The following MEF2A variants were observed in gnomAD, a reference collection of about 807,000 sequenced individuals.
MEF2A encodes myocyte-specific enhancer factor 2A.
Under a neutral mutation model 55.8 loss-of-function variants are expected in MEF2A, and 28 were observed. The observed-to-expected ratio is 0.50, with a 90% CI of 0.37 to 0.69. The LOEUF is 0.69. Among genes scored for constraint, MEF2A ranks in the 30% least tolerant of loss-of-function variants. The probability of loss-of-function intolerance (pLI) is 0.00; values close to 1 mark genes in which losing one functional copy is unlikely to be tolerated. For missense variants in MEF2A, 528 were observed against 626.2 expected (o/e 0.84, Z 1.67); for synonymous variants, 239 against 227.1 (o/e 1.05, Z -0.47).
intron 4 of MEF2A, among the ~76,000 whole-genome samples, chr15:99,646,375 C>T (rs1223468223): frequency 2.6e-5 from 4 of 152,074 alleles, no homozygotes; most frequent in Admixed American, 2.6e-4. Context: ...CAGTATGCTT[C>T]CCCCTTTTTA....
intron 2 of MEF2A, among the ~76,000 whole-genome samples, chr15:99,601,401 GT>G (rs1972900413): frequency 6.6e-6 from 1 of 151,248 alleles, no homozygotes; most frequent in African/African-American, 2.4e-5. Flanking sequence ...TATTAGACTG[GT>G]TAGTAGTCCC....
chr15:99,620,543 G>A (rs1430454666), intron 2 of MEF2A, among the ~76,000 whole-genome samples: 2 of 152,150 alleles, frequency 1.3e-5, no homozygotes, highest in African/African-American at 4.8e-5. Context: ...ACTGTGTAGT[G>A]TTCCATGGTG....
intron 3 of MEF2A, among the ~76,000 whole-genome samples, chr15:99,634,199 T>C (rs2043383573): frequency 6.6e-6 from 1 of 152,144 alleles, no homozygotes; most frequent in Non-Finnish European, 1.5e-5. Context: ...ATAGATATAA[T>C]TGGAGATAAA....
chr15:99,661,349 T>C (rs2048596232), intron 4 of MEF2A, among the ~76,000 whole-genome samples: 1 of 150,476 alleles, frequency 6.6e-6, no homozygotes, highest in African/African-American at 2.4e-5. Context: ...ATCATATGGA[T>C]AACTGGAAAG....
intron 7 of MEF2A, among the ~76,000 whole-genome samples, chr15:99,682,309 G>A (rs1000663304): frequency 2.6e-5 from 4 of 152,112 alleles, no homozygotes; most frequent in Admixed American, 6.5e-5. Flanking sequence ...ATGGGTATGC[G>A]GTTTGCTCAA....
intron 2 of MEF2A, among the ~76,000 whole-genome samples, chr15:99,600,641 G>A (rs1972660071): frequency 6.6e-6 from 1 of 152,092 alleles, no homozygotes; most frequent in Admixed American, 6.5e-5. Flanking sequence ...TATTGTTCCA[G>A]CAGTTTTTTT....
chr15:99,671,279 C>T (rs2050819093), intron 4 of MEF2A, 44 bp from the exon 5 acceptor site: 2 of 1,575,378 alleles, frequency 1.3e-6, no homozygotes, highest in South Asian at 2.3e-5. Flanking sequence ...AAACTCATGG[C>T]AAGTTAGCAT....
intron 4 of MEF2A, among the ~76,000 whole-genome samples, chr15:99,656,242 T>C (rs1489018815): frequency 2.0e-5 from 3 of 152,150 alleles, no homozygotes; most frequent in Non-Finnish European, 4.4e-5. Context: ...GATAACTTTA[T>C]TTCCTTATCT....
intron 2 of MEF2A, among the ~76,000 whole-genome samples, chr15:99,624,435 G>C (rs2041744327): frequency 6.6e-6 from 1 of 152,126 alleles, no homozygotes; most frequent in Non-Finnish European, 1.5e-5. Context: ...TTGTTGAAAA[G>C]ACTGTCCCGC....
intron 8 of MEF2A, among the ~76,000 whole-genome samples, chr15:99,691,820 C>G (rs1457613569): frequency 6.6e-6 from 1 of 152,114 alleles, no homozygotes. Flanking sequence ...CTCAAATAAC[C>G]TATTTAACTG....
chr15:99,610,547 A>G (rs1328048785), intron 2 of MEF2A, among the ~76,000 whole-genome samples: 1 of 151,614 alleles, frequency 6.6e-6, no homozygotes, highest in Admixed American at 6.6e-5. Flanking sequence ...TGAATTTGAG[A>G]ATTTACTACA....
chr15:99,682,585 C>A (rs973058104), intron 7 of MEF2A, among the ~76,000 whole-genome samples: 1 of 152,114 alleles, frequency 6.6e-6, no homozygotes, highest in Non-Finnish European at 1.5e-5. Context: ...AATAACAAGT[C>A]GTGCATAGGA....
At chr15:99,610,107 AT>A (rs1160256170) in intron 2 of MEF2A, among the ~76,000 whole-genome samples, 2 of 152,124 alleles carry the variant, frequency 1.3e-5, no homozygotes, top group Non-Finnish European at 1.5e-5. Context: ...TACTGGAAGC[AT>A]TTGAAATCAA....
chr15:99,599,268 A>G (rs1596373340), intron 2 of MEF2A, among the ~76,000 whole-genome samples: 1 of 152,122 alleles, frequency 6.6e-6, no homozygotes, highest in East Asian at 1.9e-4. Flanking sequence ...AGTAATTTTG[A>G]AAAATGTTAG....
At chr15:99,610,819 C>T (rs1437959092) in intron 2 of MEF2A, among the ~76,000 whole-genome samples, 39 of 152,108 alleles carry the variant, frequency 2.6e-4, no homozygotes, top group Admixed American at 2.5e-3. Context: ...ACTATATAGG[C>T]TAAGTCTTCA....
At chr15:99,709,205 A>G (rs1689499143) in intron 10 of MEF2A, among the ~76,000 whole-genome samples, 2 of 152,202 alleles carry the variant, frequency 1.3e-5, no homozygotes, top group South Asian at 4.1e-4. Context: ...GAGAGCAGAT[A>G]GAATTGCTCA....
chr15:99,616,197 G>A (rs778170067), intron 2 of MEF2A, among the ~76,000 whole-genome samples: 31 of 152,192 alleles, frequency 2.0e-4, no homozygotes, highest in East Asian at 3.9e-4. Context: ...GGTATTTTAC[G>A]TGTATACAAA....
Position 99,599,125 on chromosome 15 carries a change from GATGTGTAGTCCTCAAAAGTTTTCAT to G in MEF2A, c.-143+640_-143+664del, listed in dbSNP as rs1028318923. ...GTTAACATTCACAGTATCTCAGTAA[GATGTGTAGTCCTCAAAAGTTTTCAT>G]ATGTGTAGTCCTCAAAAGTTTTCAT... On this transcript the variant is annotated intron_variant, in intron 2 of 11. Coordinates refer to ENST00000557942, the MANE Select transcript of MEF2A (RefSeq NM_001319206.4). Among the ~76,000 whole-genome samples the G allele has an allele frequency of 7.9e-5, 12 of 152,176 alleles. No homozygotes were observed. The East Asian group carries it at 9.6e-4, about 12-fold the overall frequency.
At chr15:99,644,858 G>A (rs1282993839) in intron 3 of MEF2A, among the ~76,000 whole-genome samples, 1 of 152,128 alleles carries the variant, frequency 6.6e-6, no homozygotes, top group Non-Finnish European at 1.5e-5. Context: ...TATAATTTTT[G>A]TATGGCATGA....
Sources: gnomAD v4.1 joint callset for allele counts (sites outside exome capture counted in the v4.1 genomes callset) on GRCh38, gnomAD v4.1.1 for gene constraint, MANE v1.5 for transcripts, NCBI Gene and HGNC (gene_info 2026-07-23, HGNC 2026-07-21) for gene names.